LRRC37A2: variants seen among roughly 807,000 people sequenced by gnomAD.
LRRC37A2 encodes the protein leucine-rich repeat-containing protein 37A2.
LRRC37A2 carries 9 observed loss-of-function variants against 68.8 expected under a neutral mutation model. That is an observed-to-expected ratio of 0.13 (90% CI 0.08 to 0.23). The LOEUF is 0.23. LRRC37A2 is among the 10% of genes least tolerant of loss of function. The pLI is 1.00. For missense variants in LRRC37A2, 168 were observed against 950.4 expected (o/e 0.18, Z 10.82); for synonymous variants, 63 against 367.6 (o/e 0.17, Z 9.48).
the LRRC37A2 span, among the ~76,000 whole-genome samples, chr17:46,999,786 G>A: frequency 1.3e-5 from 2 of 151,586 alleles, no homozygotes; most frequent in African/African-American, 2.4e-5. Context: ...ATTACTTGAG[G>A]TCAGGAGTTT....
chr17:46,830,614 T>C, the LRRC37A2 span: 1 of 398,652 alleles, frequency 2.5e-6, no homozygotes, highest in Admixed American at 4.4e-5. Context: ...TTTTACTTTA[T>C]TTTCTTTTTT....
chr17:46,914,733 T>C, the LRRC37A2 span, among the ~76,000 whole-genome samples: 1 of 151,450 alleles, frequency 6.6e-6, no homozygotes, highest in East Asian at 1.9e-4. Context: ...CCACACAGAT[T>C]GCCTCCTGGG....
At chr17:46,992,219 T>TAAATAAATAAA in the LRRC37A2 span, among the ~76,000 whole-genome samples, 13 of 151,510 alleles carry the variant, frequency 8.6e-5, no homozygotes, top group Non-Finnish European at 1.3e-4. Context: ...AATAAATAAA[T>TAAATAAATAAA]TAGCCAGGTG....
chr17:46,861,785 G>A, the LRRC37A2 span, among the ~76,000 whole-genome samples: 1 of 152,210 alleles, frequency 6.6e-6, no homozygotes, highest in Non-Finnish European at 1.5e-5. Context: ...GCTGGTTTTA[G>A]GGCAAGACCA....
chr17:46,961,044 G>A, the LRRC37A2 span, among the ~76,000 whole-genome samples: 2 of 152,130 alleles, frequency 1.3e-5, no homozygotes, highest in African/African-American at 2.4e-5. Flanking sequence ...AAAAAACAAG[G>A]TGGGAATAAA....
At chr17:46,804,137 G>T in the LRRC37A2 span, among the ~76,000 whole-genome samples, 7 of 151,952 alleles carry the variant, frequency 4.6e-5, no homozygotes, top group Admixed American at 3.3e-4. Flanking sequence ...GCCCAGGCTG[G>T]AGTGCAGTGG....
chr17:46,775,789 A>G, the LRRC37A2 span, among the ~76,000 whole-genome samples: 11 of 150,532 alleles, frequency 7.3e-5, no homozygotes, highest in African/African-American at 2.4e-4. Flanking sequence ...AATTTTTTGT[A>G]TTTTTAGTAG....
chr17:46,738,448 A>C, the LRRC37A2 span, among the ~76,000 whole-genome samples: 1 of 152,204 alleles, frequency 6.6e-6, no homozygotes, highest in African/African-American at 2.4e-5. Context: ...AAAAATTGCT[A>C]CATACATTCT....
chr17:46,981,816 T>C, the LRRC37A2 span, among the ~76,000 whole-genome samples: 1 of 152,130 alleles, frequency 6.6e-6, no homozygotes, highest in Non-Finnish European at 1.5e-5. Context: ...AGTGATCCCC[T>C]TACCTCAACT....
chr17:46,940,147 A>G, the LRRC37A2 span: 1 of 1,299,316 alleles, frequency 7.7e-7, no homozygotes, highest in East Asian at 3.3e-5. Flanking sequence ...GCTGCTCTGT[A>G]GTCATGTTGG....
the LRRC37A2 span, among the ~76,000 whole-genome samples, chr17:47,014,319 G>C: frequency 9.3e-5 from 14 of 151,344 alleles, no homozygotes; most frequent in African/African-American, 3.2e-4. Flanking sequence ...GAACCCAGGA[G>C]GTGGAGGTTG....
At chr17:46,967,536 G>A in the LRRC37A2 span, among the ~76,000 whole-genome samples, 1 of 152,182 alleles carries the variant, frequency 6.6e-6, no homozygotes, top group Non-Finnish European at 1.5e-5. Context: ...GAAGGAGAGA[G>A]GCATTTTGGG....
the LRRC37A2 span, among the ~76,000 whole-genome samples, chr17:46,789,239 C>T: frequency 6.6e-6 from 1 of 152,180 alleles, no homozygotes; most frequent in Non-Finnish European, 1.5e-5. Flanking sequence ...ATAGCACTGG[C>T]CACCAGGGCT....
At chr17:46,915,694 T>C in the LRRC37A2 span, among the ~76,000 whole-genome samples, 17 of 152,230 alleles carry the variant, frequency 1.1e-4, no homozygotes, top group Non-Finnish European at 2.2e-4. Flanking sequence ...ATCATCCCAG[T>C]TGGTTTCTCT....
chr17:46,758,774 C>T, the LRRC37A2 span, among the ~76,000 whole-genome samples: 1 of 152,152 alleles, frequency 6.6e-6, no homozygotes, highest in Non-Finnish European at 1.5e-5. Context: ...GAAGTGTGTA[C>T]AATAATCAAA....
At chr17:46,721,964 T>G in the LRRC37A2 span, 1 of 1,604,826 alleles carries the variant, frequency 6.2e-7, no homozygotes, top group Non-Finnish European at 8.5e-7. Context: ...AGATTTCAGT[T>G]GAGGAACGGG....
the LRRC37A2 span, among the ~76,000 whole-genome samples, chr17:46,777,518 G>A: frequency 2.0e-5 from 3 of 152,246 alleles, no homozygotes; most frequent in African/African-American, 4.8e-5. Flanking sequence ...ACATCTCCAG[G>A]AAGAAGGTGC....
chr17:46,941,366 C>A, the LRRC37A2 span: 9 of 981,530 alleles, frequency 9.2e-6, no homozygotes, highest in Non-Finnish European at 1.1e-5. Flanking sequence ...TTTAGAAAAT[C>A]ACATTTTGTA....
the LRRC37A2 span, among the ~76,000 whole-genome samples, chr17:46,855,082 A>G: frequency 7.6e-4 from 111 of 146,546 alleles, no homozygotes; most frequent in African/African-American, 2.7e-3. Context: ...TCAGTCAGTC[A>G]CCCAGTGTTA....
Sources: gnomAD v4.1 joint callset for allele counts (sites outside exome capture counted in the v4.1 genomes callset) on GRCh38, gnomAD v4.1.1 for gene constraint, MANE v1.5 for transcripts, NCBI Gene and HGNC (gene_info 2026-07-23, HGNC 2026-07-21) for gene names.